Variants in UNC5D observed in about 807,000 individuals in gnomAD.
The protein encoded by UNC5D is netrin receptor UNC5D.
A neutral mutation model predicts 105.4 loss-of-function variants in UNC5D; 39 were observed. That is an observed-to-expected ratio of 0.37 (90% CI 0.29 to 0.48). UNC5D has a LOEUF of 0.48. Among genes scored for constraint, UNC5D ranks in the 20% least tolerant of loss-of-function variants. The probability of loss-of-function intolerance (pLI) is 0.98; values close to 1 mark genes in which losing one functional copy is unlikely to be tolerated. For missense variants in UNC5D, 991 were observed against 1,202.4 expected, an observed-to-expected ratio of 0.82 and a Z score of 2.60; for synonymous variants, 452 against 450.4, an observed-to-expected ratio of 1.00 and a Z score of -0.04.
chr8:35,650,750 G>A (rs1384467225), intron 4 of UNC5D, among the ~76,000 whole-genome samples: 1 of 152,274 alleles, frequency 6.6e-6, no homozygotes, highest in East Asian at 1.9e-4. Context: ...GGGATTATAG[G>A]CATGAGCCAC....
rs75025358 is a variant in UNC5D at position 35,465,009 on chromosome 8, T to C, written c.104-84283T>C. 3.5e-4 allele frequency among the ~76,000 whole-genome samples: 53 copies of C among 152,352 alleles called. No individual in the cohort carries two copies. In the East Asian group the frequency reaches 0.01, roughly 29 times the overall value. ...GTCACCACCTGGATAGTGATGGTTT[T>C]CTACTTGGTTTCCCACCTTGGGTAG... On this transcript the variant is annotated intron_variant, in intron 1 of 16. Coordinates refer to ENST00000404895, the MANE Select transcript of UNC5D (RefSeq NM_080872.4).
chr8:35,425,151 G>A (rs962868776), intron 1 of UNC5D, among the ~76,000 whole-genome samples: 12 of 152,100 alleles, frequency 7.9e-5, no homozygotes, highest in East Asian at 5.8e-4. Flanking sequence ...AAACCTGCAC[G>A]TTGTGCACAT....
intron 1 of UNC5D, among the ~76,000 whole-genome samples, chr8:35,417,666 T>C (rs1805617460): frequency 6.6e-6 from 1 of 152,192 alleles, no homozygotes; most frequent in South Asian, 2.1e-4. Flanking sequence ...CAATAAATTT[T>C]CTCTTTTAAA....
chr8:35,293,387 G>T (rs1183203400), intron 1 of UNC5D, among the ~76,000 whole-genome samples: 1 of 152,148 alleles, frequency 6.6e-6, no homozygotes, highest in Non-Finnish European at 1.5e-5. Flanking sequence ...GTCAAAAGCA[G>T]TCCTGAATAA....
Position 35,750,655 on chromosome 8 carries a change from T to C in UNC5D, c.2009T>C (p.Leu670Pro). 1 of 1,614,150 alleles carries C rather than the reference T, an allele frequency of 6.2e-7. No individual in the cohort carries two copies. Among genetic ancestry groups the C allele is most frequent in the Non-Finnish European group, 8.5e-7 (1 of 1,180,032 alleles). Residue 670 changes from leucine (L) to proline (P), a missense_variant, in exon 13 of 17, where the codon CTG becomes CCG. By Grantham distance (98) the Leu-to-Pro change is moderately conservative. Around this residue, in one of 3 missense-constraint regions of UNC5D, gnomAD observed 944 missense variants for 1,131.6 expected, o/e 0.83. Coordinates refer to ENST00000404895, the MANE Select transcript of UNC5D (RefSeq NM_080872.4). ...GACCCCTTTGCGTGTCATGTGCTCCTGGACAGCTTTGGGACCTATGCGCTC... is the reference window on the plus strand; with the variant it reads ...GACCCCTTTGCGTGTCATGTGCTCCCGGACAGCTTTGGGACCTATGCGCTC... ...LLDPFACHVL[L>P]DSFGTYALTG...
At chr8:35,750,921 C>T in intron 13 of UNC5D, 112 bp downstream of exon 13, 2 of 1,262,156 alleles carry the variant, frequency 1.6e-6, no homozygotes, top group Non-Finnish European at 2.3e-6. Context: ...TGAACCCACG[C>T]CACTGTAACT....
chr8:35,594,817 G>A (rs756296712), intron 3 of UNC5D, among the ~76,000 whole-genome samples: 2 of 152,152 alleles, frequency 1.3e-5, no homozygotes, highest in African/African-American at 2.4e-5. Flanking sequence ...CACTGGCATC[G>A]ATGCTCTCTG....
rs77489415 is a variant in UNC5D, at chr8:35,263,085, T to A, written c.103+27198T>A. 6.0e-3 allele frequency among the ~76,000 whole-genome samples: 910 copies of A among 152,254 alleles called. 9 individuals carry two copies. Among genetic ancestry groups the A allele is most frequent in the African/African-American group, 0.021 (853 of 41,554 alleles). ...TCCAACCACAAAACATATCATGAACTTTTCATAGCTCTGCACCTTCACATA... is the reference window on the plus strand; with the variant it reads ...TCCAACCACAAAACATATCATGAACATTTCATAGCTCTGCACCTTCACATA... On this transcript the variant is annotated intron_variant, in intron 1 of 16. Coordinates refer to ENST00000404895, the MANE Select transcript of UNC5D (RefSeq NM_080872.4).
intron 4 of UNC5D, among the ~76,000 whole-genome samples, chr8:35,599,767 T>C (rs1385319533): frequency 5.3e-5 from 8 of 152,216 alleles, no homozygotes; most frequent in African/African-American, 1.9e-4. Context: ...ACTCAATCAC[T>C]AGTCCTACAA....
At position 35,737,293 on chromosome 8, in the gene UNC5D, TGTGTGTG is replaced by T. The variant is rs1563720961; in HGVS notation, c.1766+6198_1766+6204del. ...GTGTGTGTGTGTGTGTGTGTGTGTG[TGTGTGTG>T]TTAATGTGTGATGAAGGAATTGAAG... On this transcript the variant is annotated intron_variant, in intron 11 of 16. Transcript: ENST00000404895. Among the ~76,000 whole-genome samples, 514 of 150,092 alleles carry T rather than the reference TGTGTGTG, an allele frequency of 3.4e-3. 8 individuals carry two copies. The highest frequency in any genetic ancestry group is 0.012 in the African/African-American group (486 of 40,300).
At chr8:35,684,877 C>A in intron 6 of UNC5D, 128 bp downstream of exon 6, 2 of 1,223,586 alleles carry the variant, frequency 1.6e-6, no homozygotes, top group Non-Finnish European at 2.2e-6. Flanking sequence ...AACATTTATC[C>A]AAGGTGCTAA....
At chr8:35,543,682 GGAT>G (rs1815433506) in intron 1 of UNC5D, among the ~76,000 whole-genome samples, 1 of 152,064 alleles carries the variant, frequency 6.6e-6, no homozygotes, top group African/African-American at 2.4e-5. Flanking sequence ...ACTTTGGTGA[GGAT>G]GTCTAGTCAG....
chr8:35,360,544 A>C (rs1919355), intron 1 of UNC5D, among the ~76,000 whole-genome samples: 74,379 of 151,930 alleles, frequency 0.49, 18,397 homozygotes, highest in East Asian at 0.7. Context: ...GAATTCTATA[A>C]TCTGTCTTGT....
At chr8:35,525,509 A>G (rs1233735436) in intron 1 of UNC5D, 32 of 1,612,144 alleles carry the variant, frequency 2.0e-5, no homozygotes, top group Admixed American at 3.3e-5. Context: ...TGGCAAGCTT[A>G]CTAACATTGA....
chr8:35,716,602 T>C lies in UNC5D; in HGVS notation c.1118-5608T>C, dbSNP rs528050446. Among the ~76,000 whole-genome samples the C allele has an allele frequency of 2.6e-5, 4 of 152,326 alleles. No individual in the cohort carries two copies. The South Asian group carries it at 8.3e-4, about 32-fold the overall frequency. On this transcript the variant is annotated intron_variant, in intron 8 of 16. Transcript: ENST00000404895. ...TTGTTGGAAGATTAAAATGAGTTAATAAATGTAAAGTCCTAGAACAGTGCC... is the reference window on the plus strand; with the variant it reads ...TTGTTGGAAGATTAAAATGAGTTAACAAATGTAAAGTCCTAGAACAGTGCC...
intron 1 of UNC5D, among the ~76,000 whole-genome samples, chr8:35,418,129 T>A (rs182929703): frequency 9.2e-5 from 14 of 151,728 alleles, no homozygotes; most frequent in African/African-American, 3.1e-4. Flanking sequence ...ATTTTAAATA[T>A]TTTTTTTTAC....
intron 1 of UNC5D, among the ~76,000 whole-genome samples, chr8:35,272,817 A>G (rs1805512157): frequency 6.6e-6 from 1 of 152,198 alleles, no homozygotes; most frequent in African/African-American, 2.4e-5. Flanking sequence ...GTGAAACTCA[A>G]AGTAAAATAG....
intron 4 of UNC5D, among the ~76,000 whole-genome samples, chr8:35,598,543 C>A (rs768083717): frequency 9.9e-5 from 15 of 152,174 alleles, no homozygotes; most frequent in Non-Finnish European, 2.1e-4. Context: ...AATTCCACTA[C>A]TAGGTATATA....
chr8:35,685,992 A>G (rs760337451), intron 6 of UNC5D, among the ~76,000 whole-genome samples: 5 of 152,204 alleles, frequency 3.3e-5, no homozygotes, highest in Non-Finnish European at 5.9e-5. Flanking sequence ...ATTTCTACAT[A>G]CAGCAGCAGT....
Sources: gnomAD v4.1 joint callset for allele counts (sites outside exome capture counted in the v4.1 genomes callset) on GRCh38, gnomAD v4.1.1 for gene constraint, gnomAD v4.1.1 regional missense constraint, MANE v1.5 for transcripts, NCBI Gene and HGNC (gene_info 2026-07-23, HGNC 2026-07-21) for gene names.